GTF2F1: variants seen among roughly 807,000 people sequenced by gnomAD.
The protein encoded by GTF2F1 is general transcription factor IIF 74 kDa subunit.
GTF2F1 carries 39 observed loss-of-function variants against 63.5 expected under a neutral mutation model. The ratio of observed to expected loss-of-function variants is 0.61; its 90% CI spans 0.48 to 0.80. The LOEUF (loss-of-function observed/expected upper bound fraction) is 0.80, where lower values mean the gene tolerates loss of function less well. Ranked by LOEUF, GTF2F1 falls within the 30% of genes least tolerant of loss-of-function variation. The probability of loss-of-function intolerance (pLI) is 0.00; values close to 1 mark genes in which losing one functional copy is unlikely to be tolerated. For synonymous variants in GTF2F1, 287 were observed against 285.3 expected, an observed-to-expected ratio of 1.01 and a Z score of -0.06; for missense variants, 657 against 718.3, an observed-to-expected ratio of 0.91 and a Z score of 0.97.
intron 5 of GTF2F1, among the ~76,000 whole-genome samples, chr19:6,384,468 A>G (rs1269320782): frequency 6.6e-6 from 1 of 151,808 alleles, no homozygotes; most frequent in Non-Finnish European, 1.5e-5. Context: ...AGATTGCCCC[A>G]CAGCACTCCA....
At chr19:6,390,748 T>A (rs1423848711) in intron 3 of GTF2F1, among the ~76,000 whole-genome samples, 1 of 137,604 alleles carries the variant, frequency 7.3e-6, no homozygotes, top group Non-Finnish European at 1.6e-5. Context: ...GGCGTGGTGG[T>A]GGGCGCCTGT....
intron 5 of GTF2F1, chr19:6,387,139 C>T: frequency 8.2e-6 from 4 of 487,654 alleles, no homozygotes; most frequent in Non-Finnish European, 1.5e-5. Context: ...AGTTAGACCC[C>T]ACCCTGCTCT....
chr19:6,382,779 G>C (rs1331624271), intron 6 of GTF2F1, among the ~76,000 whole-genome samples: 1 of 141,786 alleles, frequency 7.1e-6, no homozygotes, highest in East Asian at 2.1e-4. Context: ...GCCCATGTGA[G>C]AGAGAGAGAG....
chr19:6,392,329 C>T (rs1279690760), intron 2 of GTF2F1: 4 of 479,630 alleles, frequency 8.3e-6, no homozygotes, highest in Admixed American at 2.3e-5. Context: ...GATGGAGGGA[C>T]GAAGATTTGG....
intron 4 of GTF2F1, among the ~76,000 whole-genome samples, chr19:6,388,999 C>T (rs1473682539): frequency 1.3e-5 from 2 of 151,672 alleles, no homozygotes; most frequent in African/African-American, 4.8e-5. Flanking sequence ...CCCAGCACTA[C>T]GGGAGGCCGA....
chr19:6,389,624 C>A lies in GTF2F1; in HGVS notation c.146G>T (p.Arg49Leu). The A allele has an allele frequency of 6.2e-7, 1 of 1,613,650 alleles. No individual in the cohort carries two copies. The highest frequency in any genetic ancestry group is 8.5e-7 in the Non-Finnish European group (1 of 1,179,984). Reference sequence around the variant, plus strand: ...GTAGATTTTCTTGTTGCTCAAGTCCCGCTCCAGCCGAGCCTAGGGGAGCAG... The same window carrying A: ...GTAGATTTTCTTGTTGCTCAAGTCCAGCTCCAGCCGAGCCTAGGGGAGCAG... ...FATWNQARLE[R>L]DLSNKKIYQE... is the part of the protein sequence containing the mutation. Residue 49 changes from arginine to leucine, a missense_variant, in exon 4 of 13, where the codon CGG becomes CTG. Physicochemically the swap from Arg to Leu is moderately radical, Grantham distance 102. Around this residue, in one of 2 missense-constraint regions of GTF2F1, gnomAD observed 602 missense variants for 625.6 expected, o/e 0.96. Coordinates refer to ENST00000394456, the MANE Select transcript of GTF2F1 (RefSeq NM_002096.3).
intron 5 of GTF2F1, chr19:6,387,092 G>T: frequency 2.6e-6 from 1 of 385,398 alleles, no homozygotes; most frequent in Non-Finnish European, 4.8e-6. Flanking sequence ...AGTGGATCAG[G>T]CTGTGTGACC....
At position 6,381,691 on chromosome 19, in the gene GTF2F1, C is replaced by T; in HGVS notation, c.836+6G>A. The T allele has an allele frequency of 6.2e-7, 1 of 1,614,160 alleles. No individual in the cohort carries two copies. Among genetic ancestry groups the T allele is most frequent in the Non-Finnish European group, 8.5e-7 (1 of 1,180,038 alleles). The stretch of plus-strand genomic sequence containing the variant: ...GGGTCTCGCAGGCGCCTCCCGTCGG[C>T]CTCACCTGGAGCCGTCTGACATGTA... On this transcript the variant is annotated splice_donor_region_variant and intron_variant, in intron 7 of 12. Coordinates refer to ENST00000394456, the MANE Select transcript of GTF2F1 (RefSeq NM_002096.3). This position sits in a 1 kb window ranked among gnomAD's most constrained non-coding sequence, Gnocchi z 4.1.
At chr19:6,385,823 C>G (rs113448760) in intron 5 of GTF2F1, among the ~76,000 whole-genome samples, 1 of 152,162 alleles carries the variant, frequency 6.6e-6, no homozygotes, top group Non-Finnish European at 1.5e-5. Flanking sequence ...TGGTGGCTCA[C>G]GCCTGTAATC....
rs748577087 is a variant in GTF2F1 at position 6,389,569 on chromosome 19, C to T, written c.201G>A (p.Ala67=). The T allele has an allele frequency of 5.3e-5, 86 of 1,614,094 alleles. 1 individual carries two copies. The South Asian group carries it at 7.4e-4, about 14-fold the overall frequency. Residue 67 remains alanine, a synonymous_variant, in exon 4 of 13, where the codon GCG becomes GCA. Coordinates refer to ENST00000394456, the MANE Select transcript of GTF2F1 (RefSeq NM_002096.3). Reference sequence around the variant, plus strand: ...GAAGCTTGCGGTTGAACTCACTGCCCGCGCCCGATTCGGGCATCTCCTCCT... The same window carrying T: ...GAAGCTTGCGGTTGAACTCACTGCCTGCGCCCGATTCGGGCATCTCCTCCT... ...YQEEEMPESG[A]GSEFNRKLRE...
intron 3 of GTF2F1, 52 bp downstream of exon 3, chr19:6,391,850 G>T: frequency 1.1e-6 from 1 of 926,554 alleles, no homozygotes; most frequent in Non-Finnish European, 1.7e-6. Context: ...CAAGGTCAGG[G>T]TCAAGTTCTC....
chr19:6,391,326 C>T (rs557783269), intron 3 of GTF2F1, among the ~76,000 whole-genome samples: 10 of 152,236 alleles, frequency 6.6e-5, no homozygotes, highest in African/African-American at 1.9e-4. Context: ...CAAAAATGTC[C>T]AACAGTGGGC....
Position 6,381,444 on chromosome 19 carries a change from A to T in GTF2F1, c.933T>A (p.Ser311Arg), listed in dbSNP as rs1251928430. ...VDEQSDSSEE[S>R]EEEKPPEEDK... ...CCTCCTCAGGCGGCTTCTCCTCCTC[A>T]CTCTCCTCACTACTGTCGCTCTGCT... Residue 311 changes from serine (S) to arginine (R), a missense_variant, in exon 9 of 13, where the codon AGT becomes AGA. Around this residue, in one of 2 missense-constraint regions of GTF2F1, gnomAD observed 602 missense variants for 625.6 expected, o/e 0.96. Coordinates refer to ENST00000394456, the MANE Select transcript of GTF2F1 (RefSeq NM_002096.3). This position sits in a 1 kb window ranked among gnomAD's most constrained non-coding sequence, Gnocchi z 4.1. The T allele has an allele frequency of 2.5e-6, 4 of 1,607,674 alleles. No individual in the cohort carries two copies. The African/African-American group carries it at 4.0e-5, about 16-fold the overall frequency.
rs2091941039 is a variant in GTF2F1 at position 6,380,204 on chromosome 19, G to A, written c.*77C>T. On this transcript the variant is annotated 3_prime_UTR_variant, in exon 13 of 13. Coordinates refer to ENST00000394456, the MANE Select transcript of GTF2F1 (RefSeq NM_002096.3). This position sits in a 1 kb window ranked among gnomAD's most constrained non-coding sequence, Gnocchi z 5.3. ...GGAGGGCAGAGCCATGTATTGGACA[G>A]AGCCTCACTCTAGGATGGCGAAGGG... 9.0e-6 allele frequency: 11 copies of A among 1,216,934 alleles called. No individual in the cohort carries two copies. Among genetic ancestry groups the A allele is most frequent in the Non-Finnish European group, 1.3e-5 (11 of 818,214 alleles). The allele number at this position is 1,216,934 out of a possible 1,614,324, so 75.4% of individuals were successfully genotyped here.
chr19:6,392,940 A>G (rs758723985), intron 1 of GTF2F1, 37 bp from the exon 2 acceptor site: 1 of 1,614,032 alleles, frequency 6.2e-7, no homozygotes, highest in Admixed American at 1.7e-5. Flanking sequence ...GGGGTCGCCG[A>G]GGTCGCCGTC....
At chr19:6,389,352 G>T in intron 4 of GTF2F1, 92 bp downstream of exon 4, 1 of 1,096,640 alleles carries the variant, frequency 9.1e-7, no homozygotes, top group South Asian at 1.7e-5. Context: ...GGAATCTGAG[G>T]TTCAGAGAGG....
chr19:6,383,963 AT>A lies in GTF2F1; in HGVS notation c.498-469del, dbSNP rs558460545. Among the ~76,000 whole-genome samples, 395 of 138,290 alleles carry A rather than the reference AT, an allele frequency of 2.9e-3. No homozygotes were observed. The highest frequency in any genetic ancestry group is 0.014 in the East Asian group (67 of 4,712). The allele number at this position is 138,290 out of a possible 152,430, so 90.7% of individuals were successfully genotyped here. A position where few individuals can be genotyped will look rare whatever the true frequency, so the allele number is the denominator to read the frequency against. On this transcript the variant is annotated intron_variant, in intron 5 of 12. Transcript: ENST00000394456. This position sits in a 1 kb window ranked among gnomAD's most constrained non-coding sequence, Gnocchi z 4.5. ...AGGCGCCTGCCACCACGCCCAGCTAATTTTTTTTTTTTTTTGTATTTTTAGT... is the reference window on the plus strand; with the variant it reads ...AGGCGCCTGCCACCACGCCCAGCTAATTTTTTTTTTTTTTGTATTTTTAGT...
rs765317586 is a variant in GTF2F1, at chr19:6,381,624, C to T, written c.837-9G>A. 4.5e-5 allele frequency: 72 copies of T among 1,613,838 alleles called. No individual in the cohort carries two copies. Among genetic ancestry groups the T allele is most frequent in the Non-Finnish European group, 5.4e-5 (64 of 1,180,042 alleles). On this transcript the variant is annotated splice_polypyrimidine_tract_variant and intron_variant, in intron 7 of 12. Transcript: ENST00000394456. The surrounding 1 kb of genome is among the most constrained non-coding windows in gnomAD (Gnocchi z 4.1). ...GCTCTTCTTGGGAGCTACTGTAAGA[C>T]GGGGATGGCAAAGGATGAGCGCGCG...
At chr19:6,384,282 T>A (rs560982053) in intron 5 of GTF2F1, among the ~76,000 whole-genome samples, 1 of 148,070 alleles carries the variant, frequency 6.8e-6, no homozygotes, top group Non-Finnish European at 1.5e-5. Context: ...CCGAGGCAAG[T>A]GGATCACCTG....
Sources: gnomAD v4.1 joint callset for allele counts (sites outside exome capture counted in the v4.1 genomes callset) on GRCh38, gnomAD v4.1.1 for gene constraint, gnomAD v4.1.1 regional missense constraint, Gnocchi (gnomAD v3.1) non-coding constraint, MANE v1.5 for transcripts, NCBI Gene and HGNC (gene_info 2026-07-23, HGNC 2026-07-21) for gene names.